The following AIG1 variants were observed in gnomAD, a reference collection of about 807,000 sequenced individuals.
AIG1 encodes androgen-induced gene 1 protein.
In AIG1, 23 loss-of-function variants were observed where a neutral mutation model predicts 31.4. That is an observed-to-expected ratio of 0.73 (90% CI 0.53 to 1.04). The LOEUF is 1.04. Ranked by LOEUF, AIG1 falls within the 50% of genes least tolerant of loss-of-function variation. The probability of loss-of-function intolerance (pLI) is 0.00; values close to 1 mark genes in which losing one functional copy is unlikely to be tolerated. For synonymous variants in AIG1, 100 were observed against 110.5 expected (o/e 0.90, Z 0.60); for missense variants, 274 against 295.0 (o/e 0.93, Z 0.52).
At chr6:143,260,863 C>T (rs912634446) in intron 3 of AIG1, among the ~76,000 whole-genome samples, 1 of 152,198 alleles carries the variant, frequency 6.6e-6, no homozygotes, top group African/African-American at 2.4e-5. Flanking sequence ...GCCTGCAATT[C>T]ATTGAACAGT....
In AIG1 at chr6:143,060,931, G is replaced by T; in HGVS notation, c.6G>T (p.Ala2=). The change falls in exon 1 of 6, where the codon GCG becomes GCT. Residue 2 remains alanine, a synonymous_variant. Transcript: ENST00000357847. M[A]LVPCQVLRMA... ...GGTCCAGGCCTCTGGCGAACATGGCGCTTGTCCCCTGCCAGGTGCTGCGGA... is the reference window on the plus strand; with the variant it reads ...GGTCCAGGCCTCTGGCGAACATGGCTCTTGTCCCCTGCCAGGTGCTGCGGA... 1 of 1,608,576 alleles carries T rather than the reference G, an allele frequency of 6.2e-7. No homozygotes were observed. The highest frequency in any genetic ancestry group is 8.5e-7 in the Non-Finnish European group (1 of 1,178,436).
At chr6:143,255,899 C>G (rs1333757796) in intron 3 of AIG1, among the ~76,000 whole-genome samples, 1 of 152,100 alleles carries the variant, frequency 6.6e-6, no homozygotes, top group Non-Finnish European at 1.5e-5. Flanking sequence ...TTGAGATACT[C>G]TGTTTTGCAG....
chr6:143,139,008 TA>T (rs919986160), intron 2 of AIG1, among the ~76,000 whole-genome samples: 1 of 152,130 alleles, frequency 6.6e-6, no homozygotes, highest in Non-Finnish European at 1.5e-5. Context: ...ACTTATGTTG[TA>T]AATTTTGCTA....
At chr6:143,295,108 A>G (rs1468755697) in intron 4 of AIG1, among the ~76,000 whole-genome samples, 1 of 152,080 alleles carries the variant, frequency 6.6e-6, no homozygotes, top group African/African-American at 2.4e-5. Context: ...TCCCAAAACT[A>G]GTTGTTTATG....
intron 1 of AIG1, among the ~76,000 whole-genome samples, chr6:143,106,756 A>G (rs1439592620): frequency 6.6e-6 from 1 of 152,208 alleles, no homozygotes; most frequent in Non-Finnish European, 1.5e-5. Flanking sequence ...AGGAAATATC[A>G]TAGACTAGAC....
rs527993415 is a variant in AIG1, at chr6:143,320,279, G to C, written c.516-13003G>C. 6.6e-5 allele frequency among the ~76,000 whole-genome samples: 10 copies of C among 152,284 alleles called. No homozygotes were observed. The South Asian group carries it at 1.2e-3, about 19-fold the overall frequency. On this transcript the variant is annotated intron_variant, in intron 4 of 5. Coordinates refer to ENST00000357847, the MANE Select transcript of AIG1 (RefSeq NM_016108.4). ...TACACTGTTGATGGGAATGTTAATTGGTGCAGCCATTATGGAAAATAGTGT... is the reference window on the plus strand; with the variant it reads ...TACACTGTTGATGGGAATGTTAATTCGTGCAGCCATTATGGAAAATAGTGT...
chr6:143,184,759 C>T (rs188464250), intron 3 of AIG1, among the ~76,000 whole-genome samples: 1 of 152,322 alleles, frequency 6.6e-6, no homozygotes, highest in East Asian at 1.9e-4. Flanking sequence ...TCCAAGTTTA[C>T]CTTTCTCCAG....
chr6:143,270,020 G>A (rs1216325979), intron 3 of AIG1, among the ~76,000 whole-genome samples: 1 of 152,090 alleles, frequency 6.6e-6, no homozygotes, highest in African/African-American at 2.4e-5. Flanking sequence ...AAGAAGGAAG[G>A]GCAGATGTAA....
At chr6:143,097,858 C>T (rs1257797270) in intron 1 of AIG1, among the ~76,000 whole-genome samples, 3 of 152,184 alleles carry the variant, frequency 2.0e-5, no homozygotes, top group Admixed American at 1.3e-4. Flanking sequence ...CTCTACTATA[C>T]TTTCTCTCCT....
intron 2 of AIG1, among the ~76,000 whole-genome samples, chr6:143,163,701 C>T (rs1786638367): frequency 6.6e-6 from 1 of 152,178 alleles, no homozygotes; most frequent in African/African-American, 2.4e-5. Flanking sequence ...GCTCTATTTC[C>T]AACTGTCAGC....
intron 2 of AIG1, among the ~76,000 whole-genome samples, chr6:143,145,285 A>G (rs1334908349): frequency 2.0e-5 from 3 of 152,176 alleles, no homozygotes; most frequent in African/African-American, 7.2e-5. Flanking sequence ...TGGCATCCCA[A>G]AGTGCTGGGA....
chr6:143,250,578 G>A (rs1369696539), intron 3 of AIG1, among the ~76,000 whole-genome samples: 1 of 152,146 alleles, frequency 6.6e-6, no homozygotes, highest in Non-Finnish European at 1.5e-5. Context: ...GGCCCCAAAT[G>A]CCATCACAGG....
chr6:143,286,761 G>C (rs1382717977), intron 4 of AIG1, among the ~76,000 whole-genome samples: 1 of 152,164 alleles, frequency 6.6e-6, no homozygotes, highest in African/African-American at 2.4e-5. Flanking sequence ...GAGTAAGGTT[G>C]AGCTAAATCT....
At chr6:143,337,730 T>C (rs73000107) in intron 5 of AIG1, among the ~76,000 whole-genome samples, 4,522 of 152,130 alleles carry the variant, frequency 0.03, 107 homozygotes, top group Non-Finnish European at 0.048. Context: ...TGCAGGTCAT[T>C]TCCCCCCAGG....
intron 3 of AIG1, among the ~76,000 whole-genome samples, chr6:143,202,228 T>C (rs2128607564): frequency 6.6e-6 from 1 of 152,320 alleles, no homozygotes; most frequent in South Asian, 2.1e-4. Flanking sequence ...AAGTAAGCAC[T>C]ACCAAATCAA....
intron 3 of AIG1, among the ~76,000 whole-genome samples, chr6:143,214,161 T>A (rs1293677748): frequency 6.6e-6 from 1 of 152,220 alleles, no homozygotes; most frequent in Non-Finnish European, 1.5e-5. Context: ...TTCCTACATT[T>A]AATGCCATCA....
chr6:143,319,721 A>G (rs1776050289), intron 4 of AIG1, among the ~76,000 whole-genome samples: 1 of 152,138 alleles, frequency 6.6e-6, no homozygotes, highest in Non-Finnish European at 1.5e-5. Context: ...TAGCTAGATT[A>G]CCTTTTTAAA....
At position 143,180,585 on chromosome 6, in the gene AIG1, C is replaced by G. The variant is rs145856575; in HGVS notation, c.399+15402C>G. The stretch of plus-strand genomic sequence containing the variant: ...TTGCTGAGCTTCAGTGATGCTATAA[C>G]AGGAAATAACAACAATCAGATAGTG... On this transcript the variant is annotated intron_variant, in intron 3 of 5. Coordinates refer to ENST00000357847, the MANE Select transcript of AIG1 (RefSeq NM_016108.4). Among the ~76,000 whole-genome samples the G allele has an allele frequency of 9.8e-3, 1,499 of 152,272 alleles. 20 individuals are homozygous for G. Among genetic ancestry groups the G allele is most frequent in the African/African-American group, 0.034 (1,433 of 41,548 alleles).
intron 3 of AIG1, among the ~76,000 whole-genome samples, chr6:143,265,674 T>C (rs796565371): frequency 3.1e-4 from 47 of 152,324 alleles, no homozygotes; most frequent in African/African-American, 1.1e-3. Flanking sequence ...TGGCAAGAGC[T>C]GAACACAATA....
Sources: allele counts gnomAD v4.1 joint callset (sites outside exome capture counted in the v4.1 genomes callset), GRCh38; gene constraint gnomAD v4.1.1; transcripts MANE v1.5; gene names NCBI Gene and HGNC (gene_info 2026-07-23, HGNC 2026-07-21).